NSMCE2: variants seen among roughly 807,000 people sequenced by gnomAD.
NSMCE2 encodes NSE2 SUMO ligase component of SMC5/6 complex.
In NSMCE2, 24 loss-of-function variants were observed where a neutral mutation model predicts 23.8. The observed-to-expected ratio is 1.01, with a 90% CI of 0.73 to 1.42. The LOEUF is 1.42. Ranked by LOEUF, NSMCE2 falls within the 40% of genes most tolerant of loss-of-function variation. The pLI is 0.00. For missense variants in NSMCE2, 284 were observed against 296.5 expected (o/e 0.96, Z 0.31); for synonymous variants, 92 against 94.1 (o/e 0.98, Z 0.13).
intron 5 of NSMCE2, chr8:125,351,318 G>T (rs1813022646): frequency 6.6e-6 from 1 of 151,780 alleles, no homozygotes; most frequent in South Asian, 2.1e-4. Context: ...ACATATCCAG[G>T]GTTTCTCCTT....
chr8:125,225,896 C>T (rs954002742), intron 5 of NSMCE2, among the ~76,000 whole-genome samples: 2 of 152,136 alleles, frequency 1.3e-5, no homozygotes, highest in Admixed American at 1.3e-4. Context: ...ACAATATTAT[C>T]GTTCTCTTCT....
chr8:125,122,698 T>A (rs2130507368), intron 3 of NSMCE2, among the ~76,000 whole-genome samples: 1 of 152,322 alleles, frequency 6.6e-6, no homozygotes, highest in South Asian at 2.1e-4. Context: ...TTGTTTGTTG[T>A]ACATTCGTCC....
chr8:125,139,775 C>G (rs1489579155), intron 3 of NSMCE2, among the ~76,000 whole-genome samples: 1 of 152,130 alleles, frequency 6.6e-6, no homozygotes, highest in African/African-American at 2.4e-5. Flanking sequence ...ATCATCTTCC[C>G]ACATATATTT....
At chr8:125,107,561 G>C (rs112767521) in intron 3 of NSMCE2, among the ~76,000 whole-genome samples, 3,204 of 152,222 alleles carry the variant, frequency 0.021, 129 homozygotes, top group African/African-American at 0.074. Context: ...GGAATACAAT[G>C]ATCTATTAGA....
At chr8:125,229,636 T>A (rs762196305) in intron 5 of NSMCE2, among the ~76,000 whole-genome samples, 53 of 152,346 alleles carry the variant, frequency 3.5e-4, no homozygotes, top group Non-Finnish European at 6.5e-4. Flanking sequence ...CAAGCTTATG[T>A]TCTAGATGAA....
chr8:125,307,472 A>G (rs1828811423), intron 5 of NSMCE2, among the ~76,000 whole-genome samples: 1 of 152,186 alleles, frequency 6.6e-6, no homozygotes, highest in African/African-American at 2.4e-5. Context: ...TGCCAATTGG[A>G]AGACCCTAGT....
At chr8:125,133,850 T>C (rs2130579015) in intron 3 of NSMCE2, among the ~76,000 whole-genome samples, 1 of 151,426 alleles carries the variant, frequency 6.6e-6, no homozygotes, top group East Asian at 1.9e-4. Context: ...ACGCCGTTTA[T>C]GATTTTTAAC....
rs67825410 is a variant in NSMCE2, at chr8:125,301,652, A to AT, written c.419-55547dup. Reference sequence around the variant, plus strand: ...AAGACATGAGTTTTCCATACAAGCCATTTTTTTTTTTTTTTTTTTTGAGAC... The same window carrying AT: ...AAGACATGAGTTTTCCATACAAGCCATTTTTTTTTTTTTTTTTTTTTGAGAC... On this transcript the variant is annotated intron_variant, in intron 5 of 7. Transcript: ENST00000287437. Among the ~76,000 whole-genome samples, 1,098 of 110,644 alleles carry AT rather than the reference A, an allele frequency of 9.9e-3. 13 individuals are homozygous for AT. Among genetic ancestry groups the AT allele is most frequent in the South Asian group, 0.042 (144 of 3,412 alleles). 72.6% of individuals were successfully genotyped at this position (110,644 alleles called of 152,430 possible).
chr8:125,202,410 C>T (rs1823926080), intron 5 of NSMCE2, among the ~76,000 whole-genome samples: 1 of 152,200 alleles, frequency 6.6e-6, no homozygotes, highest in Admixed American at 6.5e-5. Context: ...ATGTTGATAA[C>T]AGTGGTACAG....
chr8:125,250,594 C>A (rs1204304019), intron 5 of NSMCE2, among the ~76,000 whole-genome samples: 1 of 152,062 alleles, frequency 6.6e-6, no homozygotes, highest in Non-Finnish European at 1.5e-5. Context: ...TAATTTCATC[C>A]AATTCTTATT....
At chr8:125,263,639 A>G (rs1397941947) in intron 5 of NSMCE2, among the ~76,000 whole-genome samples, 3 of 151,856 alleles carry the variant, frequency 2.0e-5, no homozygotes, top group Non-Finnish European at 2.9e-5. Flanking sequence ...AATCCCAGCT[A>G]CTCTGGAGGT....
chr8:125,230,110 TTGTA>T lies in NSMCE2; in HGVS notation c.418+47859_418+47862del, dbSNP rs1825260381. Reference sequence around the variant, plus strand: ...AATATCTTTTTGAAAACCTTGCAGATTGTATGTAGTTCATTGACTTATTCAGATT... The same window carrying T: ...AATATCTTTTTGAAAACCTTGCAGATTGTAGTTCATTGACTTATTCAGATT... On this transcript the variant is annotated intron_variant, in intron 5 of 7. Coordinates refer to ENST00000287437, the MANE Select transcript of NSMCE2 (RefSeq NM_173685.4). 3.3e-5 allele frequency among the ~76,000 whole-genome samples: 5 copies of T among 152,350 alleles called. No individual in the cohort carries two copies. In the South Asian group the frequency reaches 1.0e-3, roughly 32 times the overall value.
chr8:125,264,430 G>A (rs996087951), intron 5 of NSMCE2, among the ~76,000 whole-genome samples: 8 of 152,086 alleles, frequency 5.3e-5, no homozygotes, highest in African/African-American at 1.9e-4. Context: ...TTTTTGAAAT[G>A]GAGTCTCTCT....
At chr8:125,171,899 A>G (rs1822234618) in intron 4 of NSMCE2, among the ~76,000 whole-genome samples, 1 of 152,250 alleles carries the variant, frequency 6.6e-6, no homozygotes, top group Admixed American at 6.5e-5. Flanking sequence ...CACTAGCCAC[A>G]TGCAGAGAGA....
At chr8:125,327,466 G>T (rs1829715319) in intron 5 of NSMCE2, among the ~76,000 whole-genome samples, 1 of 151,990 alleles carries the variant, frequency 6.6e-6, no homozygotes, top group African/African-American at 2.4e-5. Flanking sequence ...GATGTTGTGG[G>T]TTTGTCCCAA....
chr8:125,207,180 A>C (rs1345614609), intron 5 of NSMCE2, among the ~76,000 whole-genome samples: 1 of 151,328 alleles, frequency 6.6e-6, no homozygotes, highest in Non-Finnish European at 1.5e-5. Context: ...CTTCTACTTC[A>C]TTGGTAGTAT....
rs190574515 is a variant in NSMCE2 at position 125,326,898 on chromosome 8, G to A, written c.419-30321G>A. 3.0e-3 allele frequency among the ~76,000 whole-genome samples: 459 copies of A among 151,344 alleles called. 2 individuals are homozygous for A. Among genetic ancestry groups the A allele is most frequent in the African/African-American group, 0.011 (441 of 41,244 alleles). On this transcript the variant is annotated intron_variant, in intron 5 of 7. Coordinates refer to ENST00000287437, the MANE Select transcript of NSMCE2 (RefSeq NM_173685.4). ...TTGAACCCAGGAGGCAGAGGTTGCA[G>A]TGAGCTGAGATCTCGCCACTGCACT... is the stretch of plus-strand genomic sequence containing the variant.
intron 5 of NSMCE2, among the ~76,000 whole-genome samples, chr8:125,186,367 T>C (rs1301419826): frequency 6.6e-6 from 1 of 152,206 alleles, no homozygotes. Flanking sequence ...TTGATCTAAA[T>C]TATATTCAGA....
intron 5 of NSMCE2, among the ~76,000 whole-genome samples, chr8:125,188,429 C>A (rs1823202486): frequency 6.6e-6 from 1 of 152,168 alleles, no homozygotes; most frequent in South Asian, 2.1e-4. Flanking sequence ...AGCTTCTGTG[C>A]TACTGAAAGG....
Sources: gnomAD v4.1 joint callset for allele counts (sites outside exome capture counted in the v4.1 genomes callset) on GRCh38, gnomAD v4.1.1 for gene constraint, MANE v1.5 for transcripts, NCBI Gene and HGNC (gene_info 2026-07-23, HGNC 2026-07-21) for gene names.